Variants in DDX50 observed in about 807,000 individuals in gnomAD.
DDX50 encodes the protein ATP-dependent RNA helicase DDX50.
A neutral mutation model predicts 94.8 loss-of-function variants in DDX50; 56 were observed. The observed-to-expected ratio is 0.59, with a 90% CI of 0.48 to 0.74. The LOEUF (loss-of-function observed/expected upper bound fraction) is 0.74, where lower values mean the gene tolerates loss of function less well. DDX50 is among the 30% of genes least tolerant of loss of function. The pLI is 0.00. For missense variants in DDX50, 713 were observed against 881.2 expected, an observed-to-expected ratio of 0.81 and a Z score of 2.42; for synonymous variants, 264 against 295.4, an observed-to-expected ratio of 0.89 and a Z score of 1.09.
At chr10:68,917,502 G>A (rs1410999406) in intron 7 of DDX50, among the ~76,000 whole-genome samples, 1 of 152,126 alleles carries the variant, frequency 6.6e-6, no homozygotes, top group African/African-American at 2.4e-5. Context: ...GTTTCCCACA[G>A]TCTGTTTTGC....
intron 12 of DDX50, among the ~76,000 whole-genome samples, chr10:68,937,776 G>A (rs1048651465): frequency 1.3e-5 from 2 of 152,024 alleles, no homozygotes; most frequent in Non-Finnish European, 2.9e-5. Context: ...AGTAGAGACA[G>A]GGTTTCACCA....
chr10:68,932,342 T>C (rs1842294867), intron 8 of DDX50, among the ~76,000 whole-genome samples: 1 of 152,104 alleles, frequency 6.6e-6, no homozygotes, highest in South Asian at 2.1e-4. Flanking sequence ...TCACTGCAAC[T>C]TTTACCTCCT....
Position 68,931,382 on chromosome 10 carries a change from TAAA to T in DDX50, c.1240-2808_1240-2806del, listed in dbSNP as rs530913846. Among the ~76,000 whole-genome samples the T allele has an allele frequency of 2.1e-3, 207 of 100,314 alleles. 1 individual carries two copies. The highest frequency in any genetic ancestry group is 8.2e-3 in the African/African-American group (198 of 24,222). 65.8% of individuals were successfully genotyped at this position (100,314 alleles called of 152,430 possible). ...GGCTGGTGGGTGGGTGACGGATCATTAAAAAAAAAAATATATATATATATATAT... is the reference window on the plus strand; with the variant it reads ...GGCTGGTGGGTGGGTGACGGATCATTAAAAAAAATATATATATATATATAT... On this transcript the variant is annotated intron_variant, in intron 8 of 14. Coordinates refer to ENST00000373585, the MANE Select transcript of DDX50 (RefSeq NM_024045.2).
chr10:68,920,105 C>A, intron 8 of DDX50, 124 bp downstream of exon 8: 3 of 1,148,382 alleles, frequency 2.6e-6, no homozygotes, highest in Non-Finnish European at 3.8e-6. Context: ...TAAGGCTGGG[C>A]ATGGTGGCCC....
chr10:68,925,120 T>TTTTA, intron 8 of DDX50, among the ~76,000 whole-genome samples: 1 of 123,450 alleles, frequency 8.1e-6, no homozygotes, highest in Admixed American at 8.9e-5. Flanking sequence ...TTTTTTTTTT[T>TTTTA]GAGAAGGAGT....
intron 12 of DDX50, among the ~76,000 whole-genome samples, chr10:68,939,717 T>C (rs1041559063): frequency 2.8e-4 from 43 of 152,216 alleles, no homozygotes; most frequent in African/African-American, 9.6e-4. Flanking sequence ...CAGAGAGGTC[T>C]TTCTTGATCA....
chr10:68,935,439 A>G (rs1195245698), intron 10 of DDX50, among the ~76,000 whole-genome samples: 1 of 152,004 alleles, frequency 6.6e-6, no homozygotes, highest in East Asian at 1.9e-4. Flanking sequence ...TTTTTTTCAA[A>G]TCAGGCTTGT....
chr10:68,925,134 G>A (rs1589261128), intron 8 of DDX50, among the ~76,000 whole-genome samples: 3 of 109,776 alleles, frequency 2.7e-5, no homozygotes, highest in African/African-American at 1.1e-4. Context: ...AAGGAGTTCT[G>A]CTCTTGTTGC....
chr10:68,910,751 T>G (rs1031164241), intron 3 of DDX50, among the ~76,000 whole-genome samples: 4 of 152,212 alleles, frequency 2.6e-5, no homozygotes, highest in African/African-American at 9.6e-5. Context: ...ATCACTAGAT[T>G]TTGTAAAACT....
intron 11 of DDX50, 53 bp downstream of exon 11, chr10:68,936,132 T>C: frequency 7.1e-7 from 1 of 1,412,118 alleles, no homozygotes; most frequent in South Asian, 1.2e-5. Flanking sequence ...AGGCTATTCA[T>C]CTGTAAGCTC....
chr10:68,932,322 C>T (rs753231888), intron 8 of DDX50, among the ~76,000 whole-genome samples: 2 of 152,138 alleles, frequency 1.3e-5, no homozygotes, highest in African/African-American at 2.4e-5. Flanking sequence ...TGCAGTGGAG[C>T]GATTACGGCT....
intron 1 of DDX50, 99 bp from the exon 2 acceptor site, chr10:68,906,612 G>C: frequency 7.5e-7 from 1 of 1,341,806 alleles, no homozygotes; most frequent in Non-Finnish European, 1.0e-6. Context: ...AGTAACTGTA[G>C]ATTGAGCTGA....
rs74139947 is a variant in DDX50 at position 68,946,261 on chromosome 10, T to C, written c.1936-91T>C. 1.0e-3 allele frequency: 1,455 copies of C among 1,437,218 alleles called. 16 individuals carry two copies. In the African/African-American group the frequency reaches 0.019, roughly 18 times the overall value. The allele number at this position is 1,437,218 out of a possible 1,614,324, so 89.0% of individuals were successfully genotyped here. A position where few individuals can be genotyped will look rare whatever the true frequency, so the allele number is the denominator to read the frequency against. ...AACAGAATAGATGGCCTTTAGCTAATAGATATGAAAAAGGTGTCTTCTTGT... is the reference window on the plus strand; with the variant it reads ...AACAGAATAGATGGCCTTTAGCTAACAGATATGAAAAAGGTGTCTTCTTGT... On this transcript the variant is annotated intron_variant, in intron 14 of 14. Coordinates refer to ENST00000373585, the MANE Select transcript of DDX50 (RefSeq NM_024045.2).
chr10:68,927,652 T>C (rs1190832089), intron 8 of DDX50, among the ~76,000 whole-genome samples: 1 of 152,184 alleles, frequency 6.6e-6, no homozygotes, highest in Non-Finnish European at 1.5e-5. Context: ...AAAAAGTAAA[T>C]TAAAAAAATA....
intron 7 of DDX50, among the ~76,000 whole-genome samples, chr10:68,918,468 C>G (rs1841861166): frequency 1.1e-5 from 1 of 93,902 alleles, no homozygotes; most frequent in South Asian, 3.6e-4. Flanking sequence ...CAGAGTTTAG[C>G]TCTGTTGCCC....
At chr10:68,929,350 T>C (rs545455675) in intron 8 of DDX50, among the ~76,000 whole-genome samples, 5 of 150,532 alleles carry the variant, frequency 3.3e-5, no homozygotes, top group African/African-American at 7.3e-5. Flanking sequence ...CTTCCTTCCT[T>C]CTTTCCTTCT....
Position 68,931,426 on chromosome 10 carries a change from T to TATACACACACAC in DDX50, c.1240-2772_1240-2771insTACACACACACA, listed in dbSNP as rs375773633. Among the ~76,000 whole-genome samples, 532 of 84,826 alleles carry TATACACACACAC rather than the reference T, an allele frequency of 6.3e-3. 14 individuals carry two copies. The highest frequency in any genetic ancestry group is 0.017 in the African/African-American group (375 of 22,716). 55.6% of individuals were successfully genotyped at this position (84,826 alleles called of 152,430 possible). ...ATATATATATGTATATATATATATATACACAAACACACACACACACAATTT... is the reference window on the plus strand; with the variant it reads ...ATATATATATGTATATATATATATATATACACACACACACACAAACACACACACACACAATTT... On this transcript the variant is annotated intron_variant, in intron 8 of 14. Transcript: ENST00000373585.
rs939524403 is a variant in DDX50, at chr10:68,933,726, C to T, written c.1240-473C>T. Among the ~76,000 whole-genome samples the T allele has an allele frequency of 1.3e-4, 20 of 151,586 alleles. No homozygotes were observed. In the East Asian group the frequency reaches 3.3e-3, roughly 25 times the overall value. Reference sequence around the variant, plus strand: ...AGGCTGGCGGATCACCTGAGGTCAGCGAGTTCAAGACCAGCCTGATCAACA... The same window carrying T: ...AGGCTGGCGGATCACCTGAGGTCAGTGAGTTCAAGACCAGCCTGATCAACA... On this transcript the variant is annotated intron_variant, in intron 8 of 14. Transcript: ENST00000373585.
chr10:68,927,363 C>T (rs538398904), intron 8 of DDX50, among the ~76,000 whole-genome samples: 1 of 152,226 alleles, frequency 6.6e-6, no homozygotes, highest in African/African-American at 2.4e-5. Flanking sequence ...TCTTCTTTGG[C>T]TAACCTTTCC....
Sources: gnomAD v4.1 joint callset for allele counts (sites outside exome capture counted in the v4.1 genomes callset) on GRCh38, gnomAD v4.1.1 for gene constraint, MANE v1.5 for transcripts, NCBI Gene and HGNC (gene_info 2026-07-23, HGNC 2026-07-21) for gene names.